The following EML6 variants were observed in gnomAD, a reference collection of about 807,000 sequenced individuals.
EML6 encodes the protein echinoderm microtubule-associated protein-like 6.
EML6 carries 154 observed loss-of-function variants against 240.1 expected under a neutral mutation model. The observed-to-expected ratio is 0.64, with a 90% CI of 0.56 to 0.73. The LOEUF is 0.73. Among genes scored for constraint, EML6 ranks in the 30% least tolerant of loss-of-function variants. EML6 has a pLI of 0.00. For synonymous variants in EML6, 1,148 were observed against 899.0 expected (o/e 1.28, Z -4.95); for missense variants, 2,964 against 2,474.6 (o/e 1.20, Z -4.20).
chr2:54,853,622 G>A, intron 10 of EML6, 21 bp from the exon 11 acceptor site: 2 of 1,411,766 alleles, frequency 1.4e-6, no homozygotes, highest in Non-Finnish European at 1.9e-6. Flanking sequence ...TAAATGTAAT[G>A]TTAATATTGA....
chr2:54,918,459 C>T (rs1345297349), intron 26 of EML6, among the ~76,000 whole-genome samples: 1 of 152,194 alleles, frequency 6.6e-6, no homozygotes, highest in African/African-American at 2.4e-5. Flanking sequence ...AGCAATCAAT[C>T]CACCTCAGCC....
Position 54,935,029 on chromosome 2 carries a change from T to C in EML6, c.4004+6278T>C, listed in dbSNP as rs557586646. 3.3e-5 allele frequency among the ~76,000 whole-genome samples: 5 copies of C among 152,332 alleles called. No individual in the cohort carries two copies. The South Asian group carries it at 1.0e-3, about 32-fold the overall frequency. ...ATTGGTAGATATTCCTTTTTTAAAGTATAGTTTATATTATTTGTCTCTGGA... is the reference window on the plus strand; with the variant it reads ...ATTGGTAGATATTCCTTTTTTAAAGCATAGTTTATATTATTTGTCTCTGGA... On this transcript the variant is annotated intron_variant, in intron 28 of 41. Transcript: ENST00000356458.
intron 2 of EML6, among the ~76,000 whole-genome samples, chr2:54,785,653 T>C (rs562127765): frequency 1.3e-5 from 2 of 152,344 alleles, no homozygotes; most frequent in East Asian, 3.9e-4. Context: ...ACTGTCTGTG[T>C]GTAAGTTTTC....
chr2:54,898,244 T>G (rs964908299), intron 21 of EML6, among the ~76,000 whole-genome samples: 3 of 152,172 alleles, frequency 2.0e-5, no homozygotes, highest in African/African-American at 7.2e-5. Context: ...TGTCCGATCC[T>G]GTGTTACACG....
chr2:54,922,312 C>T (rs1044060642), intron 26 of EML6, among the ~76,000 whole-genome samples: 1 of 152,144 alleles, frequency 6.6e-6, no homozygotes, highest in Non-Finnish European at 1.5e-5. Flanking sequence ...AGATGTTCAA[C>T]ATCACTTTTT....
chr2:54,816,308 C>T lies in EML6; in HGVS notation c.358-479C>T, dbSNP rs116355334. On this transcript the variant is annotated intron_variant, in intron 3 of 41. Transcript: ENST00000356458. ...CTTAGATTATATTATCTTGTAGTCA[C>T]CTTAAATGTTTGTGAAATTATAGAA... Among the ~76,000 whole-genome samples, 1,214 of 152,216 alleles carry T rather than the reference C, an allele frequency of 8.0e-3. 10 individuals carry two copies. Among genetic ancestry groups the T allele is most frequent in the Non-Finnish European group, 0.013 (902 of 68,006 alleles).
intron 18 of EML6, among the ~76,000 whole-genome samples, chr2:54,892,163 C>T (rs1315481913): frequency 1.3e-5 from 2 of 152,182 alleles, no homozygotes. Context: ...ATTGATTGCT[C>T]TCTCCAGCCA....
intron 28 of EML6, among the ~76,000 whole-genome samples, chr2:54,939,442 C>A (rs943334936): frequency 6.6e-6 from 1 of 152,336 alleles, no homozygotes; most frequent in East Asian, 1.9e-4. Flanking sequence ...GTCATACTTG[C>A]TGTAAGTTTA....
In EML6 at chr2:54,866,397, A is replaced by G. The variant is rs999297921; in HGVS notation, c.1933-369A>G. On this transcript the variant is annotated intron_variant, in intron 13 of 41. Coordinates refer to ENST00000356458, the MANE Select transcript of EML6 (RefSeq NM_001039753.4). ...AGAGGGATTTCAGGAGAAAATTGTC[A>G]TGACTCATGAGGTCCACATTTTTCA... Among the ~76,000 whole-genome samples the G allele has an allele frequency of 4.6e-5, 7 of 152,350 alleles. No homozygotes were observed. In the South Asian group the frequency reaches 1.0e-3, roughly 23 times the overall value.
rs999772128 is a variant in EML6 at position 54,850,354 on chromosome 2, C to T, written c.1444+136C>T. 1.6e-5 allele frequency: 11 copies of T among 696,498 alleles called. No individual in the cohort carries two copies. The East Asian group carries it at 3.0e-4, about 19-fold the overall frequency. The allele number at this position is 696,498 out of a possible 1,614,324, so 43.1% of individuals were successfully genotyped here. On this transcript the variant is annotated intron_variant, in intron 10 of 41. Coordinates refer to ENST00000356458, the MANE Select transcript of EML6 (RefSeq NM_001039753.4). Reference sequence around the variant, plus strand: ...TGGTTTTTGCCGGAAAGCACCCCCACCTCAGGGCAAGGAATGTTTTCTGTC... The same window carrying T: ...TGGTTTTTGCCGGAAAGCACCCCCATCTCAGGGCAAGGAATGTTTTCTGTC...
chr2:54,760,407 G>C (rs1262597292), intron 2 of EML6, among the ~76,000 whole-genome samples: 2 of 151,942 alleles, frequency 1.3e-5, no homozygotes, highest in African/African-American at 4.8e-5. Flanking sequence ...TTCCCCTATT[G>C]ACAGACTTCT....
chr2:54,732,082 C>T lies in EML6; in HGVS notation c.197+6824C>T, dbSNP rs530334867. Among the ~76,000 whole-genome samples the T allele has an allele frequency of 2.0e-5, 3 of 152,272 alleles. No individual in the cohort carries two copies. In the South Asian group the frequency reaches 6.2e-4, roughly 32 times the overall value. Reference sequence around the variant, plus strand: ...ATGATATTGATGATCTTTTCATAAACTTACTAGCCATTTGTATATCTTCTT... The same window carrying T: ...ATGATATTGATGATCTTTTCATAAATTTACTAGCCATTTGTATATCTTCTT... On this transcript the variant is annotated intron_variant, in intron 2 of 41. Coordinates refer to ENST00000356458, the MANE Select transcript of EML6 (RefSeq NM_001039753.4).
chr2:54,927,296 C>T (rs1437769583), intron 26 of EML6, among the ~76,000 whole-genome samples: 1 of 152,144 alleles, frequency 6.6e-6, no homozygotes, highest in Non-Finnish European at 1.5e-5. Context: ...AGTCACGAAC[C>T]CTCCTGCACC....
In EML6 at chr2:54,844,278, C is replaced by T. The variant is rs1669632932; in HGVS notation, c.1049+30C>T. ...GGCCCTACCGCCGTCACCTCTCTGA[C>T]TTCTTTGAGATGGATTTATTTGCCC... is the stretch of plus-strand genomic sequence containing the variant. On this transcript the variant is annotated intron_variant, in intron 8 of 41. Transcript: ENST00000356458. The T allele has an allele frequency of 2.6e-6, 4 of 1,525,230 alleles. No homozygotes were observed. The South Asian group carries it at 4.8e-5, about 18-fold the overall frequency. 94.5% of individuals were successfully genotyped at this position (1,525,230 alleles called of 1,614,324 possible). A position where few individuals can be genotyped will look rare whatever the true frequency, so the allele number is the denominator to read the frequency against.
intron 19 of EML6, 66 bp downstream of exon 19, chr2:54,892,722 A>G (rs1672540309): frequency 2.3e-6 from 3 of 1,296,740 alleles, no homozygotes; most frequent in Non-Finnish European, 2.1e-6. Context: ...TAGTCTTAGG[A>G]TGGCCCAAGA....
At chr2:54,892,345 C>T (rs557498000) in intron 18 of EML6, 109 bp from the exon 19 acceptor site, 9 of 674,590 alleles carry the variant, frequency 1.3e-5, no homozygotes, top group East Asian at 2.7e-5. Context: ...GACATCTTTA[C>T]ATAAATACCT....
At position 54,820,428 on chromosome 2, in the gene EML6, A is replaced by G. The variant is rs1247238558; in HGVS notation, c.491A>G (p.Asn164Ser). 6.4e-7 allele frequency: 1 copy of G among 1,550,776 alleles called. No homozygotes were observed. Among genetic ancestry groups the G allele is most frequent in the South Asian group, 1.2e-5 (1 of 83,824 alleles). The change falls in exon 5 of 42, where the codon AAC (asparagine) becomes AGC (serine). Residue 164 changes from asparagine to serine, a missense_variant. Physicochemically the swap from Asn to Ser is conservative, Grantham distance 46. Coordinates refer to ENST00000356458, the MANE Select transcript of EML6 (RefSeq NM_001039753.4). Reference sequence around the variant, plus strand: ...ATTTCCTGGGATCCATATCAGCCAAACAGAGTGGTTAGCTGTGGAGTAAAA... The same window carrying G: ...ATTTCCTGGGATCCATATCAGCCAAGCAGAGTGGTTAGCTGTGGAGTAAAA... ...FDISWDPYQPNRVVSCGVKHI... is the reference protein window; with the variant it reads ...FDISWDPYQPSRVVSCGVKHI...
At chr2:54,729,391 C>T (rs1420687169) in intron 2 of EML6, among the ~76,000 whole-genome samples, 1 of 152,192 alleles carries the variant, frequency 6.6e-6, no homozygotes, top group African/African-American at 2.4e-5. Flanking sequence ...CATTTGTAAG[C>T]GTATATAAGA....
Position 54,971,280 on chromosome 2 carries a change from A to G in EML6, c.*1185A>G, listed in dbSNP as rs1050755971. 3 of 152,240 alleles carry G rather than the reference A, an allele frequency of 2.0e-5. No homozygotes were observed. Among genetic ancestry groups the G allele is most frequent in the Non-Finnish European group, 4.4e-5 (3 of 68,046 alleles). The allele number at this position is 152,240 out of a possible 1,614,324, so 9.4% of individuals were successfully genotyped here. Reference sequence around the variant, plus strand: ...TGTATGACGGAATATGACTTGGACAATCTTTACCAGAAGCCATCCGTAAGC... The same window carrying G: ...TGTATGACGGAATATGACTTGGACAGTCTTTACCAGAAGCCATCCGTAAGC... On this transcript the variant is annotated 3_prime_UTR_variant, in exon 42 of 42. Transcript: ENST00000356458.
Sources: gnomAD v4.1 joint callset for allele counts (sites outside exome capture counted in the v4.1 genomes callset) on GRCh38, gnomAD v4.1.1 for gene constraint, MANE v1.5 for transcripts, NCBI Gene and HGNC (gene_info 2026-07-23, HGNC 2026-07-21) for gene names.